CNOT1: variants seen among roughly 807,000 people sequenced by gnomAD.
CNOT1 encodes CCR4-associated factor 1.
CNOT1 carries 15 observed loss-of-function variants against 273.8 expected under a neutral mutation model. The observed-to-expected ratio is 0.05, with a 90% CI of 0.04 to 0.08. The LOEUF (loss-of-function observed/expected upper bound fraction) is 0.08. Ranked by LOEUF, CNOT1 falls within the 10% of genes least tolerant of loss-of-function variation. The pLI is 1.00. For missense variants in CNOT1, 1,644 were observed against 2,912.2 expected, an observed-to-expected ratio of 0.56 and a Z score of 10.02; for synonymous variants, 1,022 against 1,005.5, an observed-to-expected ratio of 1.02 and a Z score of -0.31.
chr16:58,536,933 G>A (rs2039948115), intron 39 of CNOT1, 56 bp downstream of exon 39: 2 of 1,589,030 alleles, frequency 1.3e-6, no homozygotes, highest in East Asian at 2.2e-5. Flanking sequence ...TAATATTGGA[G>A]GCATCACACC....
intron 7 of CNOT1, among the ~76,000 whole-genome samples, chr16:58,586,099 A>C (rs1237573366): frequency 2.0e-5 from 3 of 149,414 alleles, no homozygotes; most frequent in Admixed American, 6.8e-5. Context: ...TGAGCACATC[A>C]AAAGTGACCG....
chr16:58,607,179 T>TA, intron 1 of CNOT1, among the ~76,000 whole-genome samples: 1 of 148,420 alleles, frequency 6.7e-6, no homozygotes, highest in African/African-American at 2.5e-5. Context: ...AAAATCCCAC[T>TA]AAAAAAGTCC....
chr16:58,606,927 G>C (rs2042701646), intron 1 of CNOT1, among the ~76,000 whole-genome samples: 1 of 152,162 alleles, frequency 6.6e-6, no homozygotes, highest in Non-Finnish European at 1.5e-5. Context: ...AGAGCTGGGG[G>C]GGGGAAAGGA....
intron 16 of CNOT1, among the ~76,000 whole-genome samples, chr16:58,572,706 G>C (rs947089880): frequency 6.6e-6 from 1 of 151,902 alleles, no homozygotes; most frequent in African/African-American, 2.4e-5. Context: ...TCAGGAGTTC[G>C]AGACCAGCCT....
intron 31 of CNOT1, 86 bp downstream of exon 31, chr16:58,543,521 C>A: frequency 6.3e-7 from 1 of 1,594,586 alleles, no homozygotes; most frequent in East Asian, 2.3e-5. Context: ...TGGTAACGCC[C>A]AGTGCCATAT....
chr16:58,627,831 A>G (rs575594413), intron 1 of CNOT1, among the ~76,000 whole-genome samples: 2 of 152,166 alleles, frequency 1.3e-5, no homozygotes, highest in South Asian at 4.2e-4. Flanking sequence ...TTGCGCCTTC[A>G]TTCTAGACTT....
At chr16:58,602,753 A>AT (rs1296156834) in intron 1 of CNOT1, among the ~76,000 whole-genome samples, 2 of 151,646 alleles carry the variant, frequency 1.3e-5, no homozygotes, top group Non-Finnish European at 1.5e-5. Flanking sequence ...TAAAATAATA[A>AT]AAAAAATTTT....
chr16:58,568,675 G>A (rs76248804), intron 16 of CNOT1, among the ~76,000 whole-genome samples: 28 of 151,692 alleles, frequency 1.8e-4, no homozygotes, highest in African/African-American at 6.3e-4. Context: ...GCGAGACTCC[G>A]TCTCGATTTT....
chr16:58,587,654 A>T, intron 4 of CNOT1, 126 bp downstream of exon 4: 2 of 1,190,602 alleles, frequency 1.7e-6, no homozygotes, highest in Non-Finnish European at 2.3e-6. Context: ...ACAAACTATA[A>T]AAGACACCCC....
At chr16:58,585,625 TATTTC>T in intron 7 of CNOT1, 119 bp from the exon 8 acceptor site, 1 of 1,435,734 alleles carries the variant, frequency 7.0e-7, no homozygotes, top group Non-Finnish European at 9.1e-7. Flanking sequence ...AAGCCAAGCT[TATTTC>T]ATTTTTCCAG....
rs139856873 is a variant in CNOT1 at position 58,609,371 on chromosome 16, C to CAA, written c.-174-9862_-174-9861dup. Among the ~76,000 whole-genome samples the CAA allele has an allele frequency of 4.6e-4, 69 of 149,270 alleles. 1 individual carries two copies. The highest frequency in any genetic ancestry group is 2.1e-3 in the South Asian group (10 of 4,696). ...TAGGTGACAGAGGGAGACTCTGTCT[C>CAA]AAAAAAAAACACAACAAAATACAAA... On this transcript the variant is annotated intron_variant, in intron 1 of 48. Transcript: ENST00000317147.
intron 30 of CNOT1, 40 bp from the exon 31 acceptor site, chr16:58,543,943 A>G: frequency 6.5e-7 from 1 of 1,542,666 alleles, no homozygotes; most frequent in African/African-American, 1.4e-5. Flanking sequence ...CCTTGTTTAA[A>G]TAAGACAATC....
intron 2 of CNOT1, among the ~76,000 whole-genome samples, chr16:58,592,445 G>T (rs1207272166): frequency 1.3e-5 from 2 of 152,130 alleles, no homozygotes; most frequent in Non-Finnish European, 2.9e-5. Context: ...GGGTGTGGTG[G>T]AGCACAGCTA....
At chr16:58,619,893 C>T (rs895493005) in intron 1 of CNOT1, among the ~76,000 whole-genome samples, 7 of 151,930 alleles carry the variant, frequency 4.6e-5, no homozygotes, top group African/African-American at 1.7e-4. Context: ...CAAGAAATTG[C>T]CAAGATGTAA....
chr16:58,541,654 A>T (rs1452955112), intron 33 of CNOT1, 34 bp from the exon 34 acceptor site: 1 of 1,604,640 alleles, frequency 6.2e-7, no homozygotes, highest in Non-Finnish European at 8.5e-7. Context: ...GACAGAATTC[A>T]CTCAATAATC....
At position 58,615,348 on chromosome 16, in the gene CNOT1, T is replaced by C. The variant is rs1290896764; in HGVS notation, c.-175+14380A>G. On this transcript the variant is annotated intron_variant, in intron 1 of 48. Coordinates refer to ENST00000317147, the MANE Select transcript of CNOT1 (RefSeq NM_016284.5). ...GAATTAGAATACAATTCTCAGCTTC[T>C]CTTGCATTGGTTTGGCTGTAAGACT... Among the ~76,000 whole-genome samples, 9 of 125,680 alleles carry C rather than the reference T, an allele frequency of 7.2e-5. 1 individual carries two copies. The highest frequency in any genetic ancestry group is 2.4e-4 in the African/African-American group (9 of 37,310). 82.5% of individuals were successfully genotyped at this position (125,680 alleles called of 152,430 possible).
intron 1 of CNOT1, among the ~76,000 whole-genome samples, chr16:58,602,761 T>A (rs1006764506): frequency 6.6e-6 from 1 of 151,560 alleles, no homozygotes; most frequent in Non-Finnish European, 1.5e-5. Flanking sequence ...TAAAAAAAAT[T>A]TTTTTAAAAA....
At chr16:58,597,639 G>A in intron 2 of CNOT1, 2 of 451,268 alleles carry the variant, frequency 4.4e-6, no homozygotes, top group Non-Finnish European at 8.6e-6. Flanking sequence ...ATGGAGAGAT[G>A]CTATGCCAAA....
intron 2 of CNOT1, among the ~76,000 whole-genome samples, chr16:58,596,510 A>G (rs8049393): frequency 0.75 from 114,575 of 152,014 alleles, 43,595 homozygotes; most frequent in Middle Eastern, 0.86. Flanking sequence ...GGTAGGAAAA[A>G]AAATTGGGAA....
Sources: allele counts gnomAD v4.1 joint callset (sites outside exome capture counted in the v4.1 genomes callset), GRCh38; gene constraint gnomAD v4.1.1; transcripts MANE v1.5; gene names NCBI Gene and HGNC (gene_info 2026-07-23, HGNC 2026-07-21).